The following AGL variants were observed in gnomAD, a reference collection of about 807,000 sequenced individuals.
The protein encoded by AGL is glycogen debranching enzyme.
AGL carries 128 observed loss-of-function variants against 199.3 expected under a neutral mutation model. That is an observed-to-expected ratio of 0.64 (90% CI 0.56 to 0.74). The LOEUF (loss-of-function observed/expected upper bound fraction) is 0.74, where lower values mean the gene tolerates loss of function less well. Among genes scored for constraint, AGL ranks in the 30% least tolerant of loss-of-function variants. The pLI, the probability that AGL is intolerant of heterozygous loss-of-function variation, is 0.00. For synonymous variants in AGL, 584 were observed against 594.7 expected (o/e 0.98, Z 0.26); for missense variants, 1,809 against 1,820.8 (o/e 0.99, Z 0.12).
At position 99,921,579 on chromosome 1, in the gene AGL, G is replaced by C. The variant is rs373624039; in HGVS notation, c.4527G>C (p.Gln1509His). Reference sequence around the variant, plus strand: ...CAGAACTGACCAATGAGAATGCCCAGTACTGTCCTTTCAGCTGTGAAACAC... The same window carrying C: ...CAGAACTGACCAATGAGAATGCCCACTACTGTCCTTTCAGCTGTGAAACAC... ...GLPELTNENA[Q>H]YCPFSCETQA... Residue 1509 changes from glutamine (Q) to histidine (H), a missense_variant, in exon 34 of 34, where the codon CAG (glutamine) becomes CAC (histidine). By Grantham distance (24) the Gln-to-His change is conservative. Transcript: ENST00000361915. 6.2e-7 allele frequency: 1 copy of C among 1,613,168 alleles called. No individual in the cohort carries two copies. Among genetic ancestry groups the C allele is most frequent in the East Asian group, 2.2e-5 (1 of 44,768 alleles).
chr1:99,853,897 CA>C (rs1557739451), intron 2 of AGL, among the ~76,000 whole-genome samples: 1 of 145,328 alleles, frequency 6.9e-6, no homozygotes, highest in African/African-American at 2.6e-5. Context: ...CTTTAAAAAA[CA>C]AAAATAAAGG....
intron 25 of AGL, among the ~76,000 whole-genome samples, chr1:99,900,310 A>G (rs575105817): frequency 1.3e-5 from 2 of 152,244 alleles, no homozygotes; most frequent in East Asian, 3.9e-4. Context: ...AGTTACTTCG[A>G]TTTTGAAATA....
Position 99,881,376 on chromosome 1 carries a change from AGCGGCATTATT to A in AGL, c.2089_2099del (p.Gly697SerfsTer7). On this transcript the variant is annotated frameshift_variant, in exon 16 of 34. Coordinates refer to ENST00000361915, the MANE Select transcript of AGL (RefSeq NM_000642.3). LOFTEE classifies it high-confidence loss of function. ...AAACACAGGTGAAGTTAATTTCCAA[AGCGGCATTATT>A]GCAGCCAGGTGTGCTATCAGTAAAC... is the stretch of plus-strand genomic sequence containing the variant. 6.2e-7 allele frequency: 1 copy of A among 1,614,164 alleles called. No homozygotes were observed. Among genetic ancestry groups the A allele is most frequent in the Non-Finnish European group, 8.5e-7 (1 of 1,180,014 alleles).
intron 2 of AGL, chr1:99,852,666 G>C (rs1236840820): frequency 1.3e-6 from 1 of 776,590 alleles, no homozygotes; most frequent in Non-Finnish European, 2.4e-6. Flanking sequence ...ATAAGCCACC[G>C]GGCATGGCCC....
chr1:99,852,776 T>C, intron 2 of AGL: 1 of 775,678 alleles, frequency 1.3e-6, no homozygotes, highest in Non-Finnish European at 2.4e-6. Context: ...AATACATGAA[T>C]TTTTTGTGAT....
At chr1:99,867,054 A>G (rs996742180) in intron 5 of AGL, among the ~76,000 whole-genome samples, 1 of 152,080 alleles carries the variant, frequency 6.6e-6, no homozygotes, top group Non-Finnish European at 1.5e-5. Flanking sequence ...CCCGACCTCA[A>G]GTGATCCGCC....
chr1:99,892,402 A>G (rs1652964222), intron 23 of AGL, 30 bp from the exon 24 acceptor site: 12 of 1,599,122 alleles, frequency 7.5e-6, no homozygotes, highest in Non-Finnish European at 1.0e-5. Context: ...GTATTTCTAC[A>G]AGTAATAAAT....
At chr1:99,902,204 A>G (rs1378054475) in intron 26 of AGL, among the ~76,000 whole-genome samples, 2 of 152,180 alleles carry the variant, frequency 1.3e-5, no homozygotes, top group African/African-American at 4.8e-5. Flanking sequence ...ATATGGGTAA[A>G]GAAAATGACT....
chr1:99,855,597 T>TC (rs995813266), intron 2 of AGL, among the ~76,000 whole-genome samples: 5 of 152,110 alleles, frequency 3.3e-5, no homozygotes, highest in African/African-American at 1.2e-4. Flanking sequence ...GATCAGGAGT[T>TC]CAAGACCAGC....
rs762547610 is a variant in AGL at position 99,900,738 on chromosome 1, G to T, written c.3465G>T (p.Trp1155Cys). The T allele has an allele frequency of 6.2e-7, 1 of 1,614,148 alleles. No individual in the cohort carries two copies. The highest frequency in any genetic ancestry group is 8.5e-7 in the Non-Finnish European group (1 of 1,180,022). The change falls in exon 26 of 34, where the codon TGG becomes TGT. Residue 1155 changes from tryptophan (W) to cysteine (C), a missense_variant. Transcript: ENST00000361915. ...YARYNCRDAV[W>C]WWLQCIQDYC... ...GATACAATTGTCGGGATGCTGTGTG[G>T]TGGTGGCTGCAGTGTATCCAGGATT...
At chr1:99,918,102 T>C (rs1053119342) in intron 33 of AGL, among the ~76,000 whole-genome samples, 3 of 152,212 alleles carry the variant, frequency 2.0e-5, no homozygotes, top group African/African-American at 7.2e-5. Flanking sequence ...TTCTTTCAAT[T>C]CTTATAAGTG....
chr1:99,887,290 C>G (rs1443193585), intron 20 of AGL, among the ~76,000 whole-genome samples: 2 of 152,168 alleles, frequency 1.3e-5, no homozygotes, highest in Non-Finnish European at 2.9e-5. Flanking sequence ...GTCAGTTATA[C>G]AGTCTTACTG....
At position 99,921,626 on chromosome 1, in the gene AGL, T is replaced by C. The variant is rs756300583; in HGVS notation, c.4574T>C (p.Ile1525Thr). Reference sequence around the variant, plus strand: ...ACACAAGCCTGGTCAATTGCTACTATTCTTGAGACACTTTATGATTTATAG... The same window carrying C: ...ACACAAGCCTGGTCAATTGCTACTACTCTTGAGACACTTTATGATTTATAG... The part of the protein sequence containing the change: ...CETQAWSIAT[I>T]LETLYDL The change falls in exon 34 of 34, where the codon ATT (isoleucine) becomes ACT (threonine). Residue 1525 changes from isoleucine to threonine, a missense_variant. By Grantham distance (89) the Ile-to-Thr change is moderately conservative. Transcript: ENST00000361915. 2.5e-6 allele frequency: 4 copies of C among 1,610,280 alleles called. No individual in the cohort carries two copies. The South Asian group carries it at 4.4e-5, about 18-fold the overall frequency.
In AGL at chr1:99,880,657, T is replaced by C. The variant is rs761687753; in HGVS notation, c.1761T>C (p.His587=). 6 of 1,613,954 alleles carry C rather than the reference T, an allele frequency of 3.7e-6. No individual in the cohort carries two copies. The highest frequency in any genetic ancestry group is 5.1e-6 in the Non-Finnish European group (6 of 1,179,958). The change falls in exon 14 of 34, where the codon CAT becomes CAC. Residue 587 remains histidine, a synonymous_variant. Coordinates refer to ENST00000361915, the MANE Select transcript of AGL (RefSeq NM_000642.3). ...IREAMSAYNS[H]EEGRLVYRYG... ...AGGCAATGAGTGCATATAATAGTCA[T>C]GAAGAGGGCAGATTAGTTTACCGAT...
Position 99,881,126 on chromosome 1 carries a change from A to C in AGL, c.1950A>C (p.Ala650=), listed in dbSNP as rs776501271. The C allele has an allele frequency of 6.9e-5, 112 of 1,613,904 alleles. No homozygotes were observed. Among genetic ancestry groups the C allele is most frequent in the Non-Finnish European group, 9.2e-5 (109 of 1,179,964 alleles). The change falls in exon 15 of 34, where the codon GCA becomes GCC. Residue 650 remains alanine (A), a synonymous_variant. Coordinates refer to ENST00000361915, the MANE Select transcript of AGL (RefSeq NM_000642.3). The stretch of plus-strand genomic sequence containing the variant: ...CAAGTACTACAATTGTTTCTATGGC[A>C]TGTTGTGCTAGTGGAAGTACAAGAG... ...ALPSTTIVSM[A]CCASGSTRGY...
At chr1:99,850,935 ATAGT>A in intron 1 of AGL, 36 bp from the exon 2 acceptor site, 1 of 927,276 alleles carries the variant, frequency 1.1e-6, no homozygotes, top group Non-Finnish European at 1.8e-6. Flanking sequence ...GTTTAAGGCA[ATAGT>A]TATTTTCGAT....
intron 25 of AGL, 134 bp from the exon 26 acceptor site, chr1:99,900,502 C>G: frequency 3.7e-6 from 3 of 818,318 alleles, no homozygotes; most frequent in African/African-American, 1.7e-5. Context: ...TGACTACTTT[C>G]TACATGAAAA....
rs138972098 is a variant in AGL at position 99,905,536 on chromosome 1, T to G, written c.3700+2742T>G. On this transcript the variant is annotated intron_variant, in intron 27 of 33. Transcript: ENST00000361915. ...GCTCATTGGCCATCCATCTTCCCTC[T>G]TTGCTGAAATGTCGGTTCACGTATT... Among the ~76,000 whole-genome samples, 11 of 152,310 alleles carry G rather than the reference T, an allele frequency of 7.2e-5. No homozygotes were observed. The East Asian group carries it at 2.1e-3, about 29-fold the overall frequency.
intron 2 of AGL, among the ~76,000 whole-genome samples, chr1:99,854,194 TA>T (rs1005015526): frequency 1.6e-4 from 24 of 150,808 alleles, no homozygotes; most frequent in Non-Finnish European, 3.1e-4. Flanking sequence ...AACTCTATCT[TA>T]AAAAAAAATA....
Sources: allele counts gnomAD v4.1 joint callset (sites outside exome capture counted in the v4.1 genomes callset), GRCh38; gene constraint gnomAD v4.1.1; transcripts MANE v1.5; gene names NCBI Gene and HGNC (gene_info 2026-07-23, HGNC 2026-07-21).